The following MYO16 variants were observed in gnomAD, a reference collection of about 807,000 sequenced individuals.
MYO16 encodes the protein myosin XVI, also known as unconventional myosin-XVI.
In MYO16, 94 loss-of-function variants were observed where a neutral mutation model predicts 205.3. The ratio of observed to expected loss-of-function variants is 0.46; its 90% CI spans 0.39 to 0.54. The LOEUF is 0.54. MYO16 is among the 20% of genes least tolerant of loss of function. The pLI is 0.00. For missense variants in MYO16, 2,315 were observed against 2,387.5 expected, an observed-to-expected ratio of 0.97 and a Z score of 0.63; for synonymous variants, 988 against 954.0, an observed-to-expected ratio of 1.04 and a Z score of -0.66.
In MYO16 at chr13:108,958,714, C is replaced by A. The variant is rs183963540; in HGVS notation, c.2037+915C>A. 2.0e-5 allele frequency among the ~76,000 whole-genome samples: 3 copies of A among 152,168 alleles called. No homozygotes were observed. The East Asian group carries it at 5.8e-4, about 29-fold the overall frequency. On this transcript the variant is annotated intron_variant, in intron 17 of 34. Transcript: ENST00000457511. ...TAGTGGTTACTGAATCAAACAGCAC[C>A]CAGCCAGTGAATAAGACATAAGAAA...
chr13:109,018,449 C>T (rs1483679999), intron 22 of MYO16, among the ~76,000 whole-genome samples: 1 of 152,164 alleles, frequency 6.6e-6, no homozygotes, highest in Non-Finnish European at 1.5e-5. Flanking sequence ...GGGTCAGGGA[C>T]CCACTTGAGG....
At chr13:108,903,190 C>T (rs1214061519) in intron 15 of MYO16, among the ~76,000 whole-genome samples, 1 of 152,174 alleles carries the variant, frequency 6.6e-6, no homozygotes, top group Non-Finnish European at 1.5e-5. Context: ...AAATTGTATG[C>T]TGAGGTTGCT....
the MYO16 span, among the ~76,000 whole-genome samples, chr13:108,586,139 A>G: frequency 6.6e-6 from 1 of 152,136 alleles, no homozygotes; most frequent in African/African-American, 2.4e-5. Flanking sequence ...TAATTTACAC[A>G]TAACACACAC....
intron 27 of MYO16, among the ~76,000 whole-genome samples, chr13:109,077,104 C>T (rs1888134413): frequency 6.6e-6 from 1 of 151,826 alleles, no homozygotes; most frequent in Non-Finnish European, 1.5e-5. Flanking sequence ...ACTGCAGCCT[C>T]CATCTCCTGG....
chr13:109,127,045 C>A lies in MYO16; in HGVS notation c.3783-237C>A, dbSNP rs1876285198. Among the ~76,000 whole-genome samples the A allele has an allele frequency of 6.6e-6, 1 of 152,156 alleles. No individual in the cohort carries two copies. Among genetic ancestry groups the A allele is most frequent in the Non-Finnish European group, 1.5e-5 (1 of 68,032 alleles). On this transcript the variant is annotated intron_variant, in intron 30 of 34. Transcript: ENST00000457511. The surrounding 1 kb of genome is among the most constrained non-coding windows in gnomAD (Gnocchi z 4.2). ...TGTGTGAGAATGTTTAAAAAGTAAT[C>A]ATGATGGATATCCCGCGGGCTCATG...
chr13:109,149,770 G>A (rs184275038), intron 32 of MYO16, among the ~76,000 whole-genome samples: 7 of 152,092 alleles, frequency 4.6e-5, no homozygotes, highest in African/African-American at 1.7e-4. Flanking sequence ...CTACCCACCT[G>A]CCATAAAATA....
intron 5 of MYO16, 41 bp downstream of exon 5, chr13:108,785,784 G>T (rs1270709008): frequency 7.7e-7 from 1 of 1,296,420 alleles, no homozygotes; most frequent in Non-Finnish European, 1.1e-6. Context: ...AAATAGATTG[G>T]GAGAATTGTA....
intron 6 of MYO16, among the ~76,000 whole-genome samples, chr13:108,798,438 A>G (rs1311638312): frequency 2.6e-5 from 4 of 152,150 alleles, no homozygotes; most frequent in Non-Finnish European, 5.9e-5. Context: ...ATAACTAAAT[A>G]TAACATATCT....
At chr13:108,658,739 T>C (rs1881355198) in intron 1 of MYO16, among the ~76,000 whole-genome samples, 1 of 152,188 alleles carries the variant, frequency 6.6e-6, no homozygotes, top group East Asian at 1.9e-4. Context: ...TTTTCAATTA[T>C]GTTAAGAAAA....
chr13:108,662,979 C>A (rs1397068903), intron 1 of MYO16, among the ~76,000 whole-genome samples: 1 of 152,160 alleles, frequency 6.6e-6, no homozygotes, highest in East Asian at 1.9e-4. Context: ...CTTGACTCAG[C>A]CCCAGGTAAA....
intron 1 of MYO16, among the ~76,000 whole-genome samples, chr13:108,608,630 T>C (rs1044490623): frequency 7.1e-6 from 1 of 140,664 alleles, no homozygotes; most frequent in Non-Finnish European, 1.6e-5. Flanking sequence ...AACAAATATC[T>C]GAACCCACTT....
intron 1 of MYO16, among the ~76,000 whole-genome samples, chr13:108,601,335 A>G (rs1878755237): frequency 6.6e-6 from 1 of 152,162 alleles, no homozygotes; most frequent in Non-Finnish European, 1.5e-5. Context: ...CAGAGTAATT[A>G]TTTGAACTTT....
intron 15 of MYO16, among the ~76,000 whole-genome samples, chr13:108,908,422 T>A (rs1025450279): frequency 1.3e-5 from 2 of 152,320 alleles, no homozygotes; most frequent in African/African-American, 4.8e-5. Flanking sequence ...TAAATAGTGG[T>A]TCTAGTTGTT....
At chr13:109,063,834 A>G (rs1458050900) in intron 27 of MYO16, among the ~76,000 whole-genome samples, 2 of 152,172 alleles carry the variant, frequency 1.3e-5, no homozygotes, top group Non-Finnish European at 2.9e-5. Context: ...TGTGGTTTCA[A>G]AGATTTTGAG....
At chr13:108,576,896 G>C in the MYO16 span, among the ~76,000 whole-genome samples, 1 of 152,064 alleles carries the variant, frequency 6.6e-6, no homozygotes, top group Non-Finnish European at 1.5e-5. Context: ...GAGTAGCTGG[G>C]ACTACAGGCA....
the MYO16 span, among the ~76,000 whole-genome samples, chr13:108,532,893 C>T: frequency 3.3e-5 from 5 of 151,942 alleles, no homozygotes; most frequent in African/African-American, 1.2e-4. Flanking sequence ...AGAAAGAGGC[C>T]CCTACCTTAG....
chr13:108,964,833 A>G lies in MYO16; in HGVS notation c.2300A>G (p.Tyr767Cys). Residue 767 changes from tyrosine to cysteine, a missense_variant, in exon 20 of 35, where the codon TAC becomes TGC. Transcript: ENST00000457511. ...FFRDLLAKSL[Y>C]SRLFSFLVNT... Reference sequence around the variant, plus strand: ...CGAGACCTCTTGGCCAAGTCCCTGTACAGTCGTTTGTTTAGCTTTTTGGTG... The same window carrying G: ...CGAGACCTCTTGGCCAAGTCCCTGTGCAGTCGTTTGTTTAGCTTTTTGGTG... The G allele has an allele frequency of 6.2e-7, 1 of 1,614,144 alleles. No individual in the cohort carries two copies. The highest frequency in any genetic ancestry group is 8.5e-7 in the Non-Finnish European group (1 of 1,180,018).
intron 7 of MYO16, among the ~76,000 whole-genome samples, chr13:108,807,422 C>CA (rs141082416): frequency 0.073 from 11,154 of 152,000 alleles, 440 homozygotes; most frequent in Middle Eastern, 0.11. Flanking sequence ...CAAACAAGAA[C>CA]ATTGTTTGTT....
chr13:108,911,695 G>T (rs1881273087), intron 16 of MYO16, among the ~76,000 whole-genome samples: 3 of 152,188 alleles, frequency 2.0e-5, no homozygotes, highest in Admixed American at 2.0e-4. Context: ...AAGGTGATTT[G>T]CATCTGTGGA....
Sources: allele counts gnomAD v4.1 joint callset (sites outside exome capture counted in the v4.1 genomes callset), GRCh38; gene constraint gnomAD v4.1.1; non-coding constraint Gnocchi (gnomAD v3.1); transcripts MANE v1.5; gene names NCBI Gene and HGNC (gene_info 2026-07-23, HGNC 2026-07-21).